EPG5: variants seen among roughly 807,000 people sequenced by gnomAD.
EPG5 encodes the protein ectopic P-granules 5 autophagy tethering factor, also known as ectopic P granules protein 5 homolog.
A neutral mutation model predicts 302.7 loss-of-function variants in EPG5; 159 were observed. The observed-to-expected ratio is 0.53, with a 90% CI of 0.46 to 0.60. The LOEUF is 0.60. Ranked by LOEUF, EPG5 falls within the 20% of genes least tolerant of loss-of-function variation. The pLI is 0.00. For missense variants in EPG5, 2,896 were observed against 3,092.4 expected (o/e 0.94, Z 1.51); for synonymous variants, 1,158 against 1,136.8 (o/e 1.02, Z -0.37).
chr18:45,851,530 A>C lies in EPG5; in HGVS notation c.*937T>G, dbSNP rs895901298. Reference sequence around the variant, plus strand: ...CATCTGAGTTTGAAGTTAAAAAACAAGCAGGGAACAGAGAATCAGGTCTTC... The same window carrying C: ...CATCTGAGTTTGAAGTTAAAAAACACGCAGGGAACAGAGAATCAGGTCTTC... On this transcript the variant is annotated 3_prime_UTR_variant, in exon 44 of 44. Coordinates refer to ENST00000282041, the MANE Select transcript of EPG5 (RefSeq NM_020964.3). The C allele has an allele frequency of 6.6e-6, 1 of 152,348 alleles. No individual in the cohort carries two copies. The highest frequency in any genetic ancestry group is 3.4e-3 in the Middle Eastern group (1 of 294). 9.4% of individuals were successfully genotyped at this position (152,348 alleles called of 1,614,324 possible). A position where few individuals can be genotyped will look rare whatever the true frequency, so the allele number is the denominator to read the frequency against.
chr18:45,953,196 G>GA, intron 2 of EPG5: 6 of 764,152 alleles, frequency 7.9e-6, no homozygotes, highest in Non-Finnish European at 9.5e-6. Flanking sequence ...AGTCAGCAGT[G>GA]AAAGCTGCAA....
rs2048421653 is a variant in EPG5, at chr18:45,851,472, C to T, written c.*995G>A. 1 of 152,176 alleles carries T rather than the reference C, an allele frequency of 6.6e-6. No homozygotes were observed. Among genetic ancestry groups the T allele is most frequent in the African/African-American group, 2.4e-5 (1 of 41,428 alleles). The allele number at this position is 152,176 out of a possible 1,614,324, so 9.4% of individuals were successfully genotyped here. ...AGATCTCCCGACCTGACCCAGTTTC[C>T]ACAGACAAGTGTTTCAGCAGGTCCA... On this transcript the variant is annotated 3_prime_UTR_variant, in exon 44 of 44. Transcript: ENST00000282041.
chr18:45,847,020 AC>A (rs2048370807), downstream of EPG5, among the ~76,000 whole-genome samples: 1 of 152,142 alleles, frequency 6.6e-6, no homozygotes, highest in South Asian at 2.1e-4. Context: ...CCACTTTCCA[AC>A]CCTTCAATCT....
chr18:45,865,621 G>C lies in EPG5; in HGVS notation c.6760C>G (p.Pro2254Ala). The change falls in exon 39 of 44, where the codon CCG becomes GCG. Residue 2254 changes from proline to alanine, a missense_variant. Pro to Ala is a conservative substitution (Grantham distance 27). Around this residue, in one of 5 missense-constraint regions of EPG5, gnomAD observed 620 missense variants for 704.2 expected, o/e 0.88. Coordinates refer to ENST00000282041, the MANE Select transcript of EPG5 (RefSeq NM_020964.3). The part of the protein sequence containing the change: ...KLLDDIIVFN[P>A]PDMDSQTRHM... The stretch of plus-strand genomic sequence containing the variant: ...CTTCCGACTGGTCACTTACCGGGCG[G>C]GTTAAAGACAATGATATCGTCTAAG... 6.2e-7 allele frequency: 1 copy of C among 1,613,862 alleles called. No homozygotes were observed. The highest frequency in any genetic ancestry group is 8.5e-7 in the Non-Finnish European group (1 of 1,179,890).
At chr18:45,802,572 CTT>C in the EPG5 span, among the ~76,000 whole-genome samples, 1 of 152,068 alleles carries the variant, frequency 6.6e-6, no homozygotes, top group Non-Finnish European at 1.5e-5. Flanking sequence ...TACATCCAAA[CTT>C]CCAACCCCAC....
At chr18:45,927,176 G>C (rs1258340635) in intron 13 of EPG5, among the ~76,000 whole-genome samples, 2 of 151,802 alleles carry the variant, frequency 1.3e-5, no homozygotes, top group Non-Finnish European at 2.9e-5. Flanking sequence ...GGGACTACAG[G>C]TGCCCGCCAC....
At chr18:45,863,000 T>G (rs2145232173) in intron 39 of EPG5, among the ~76,000 whole-genome samples, 1 of 152,376 alleles carries the variant, frequency 6.6e-6, no homozygotes, top group African/African-American at 2.4e-5. Context: ...TCTATTTAGT[T>G]ACTGATTTTT....
rs760628080 is a variant in EPG5 at position 45,939,677 on chromosome 18, G to C, written c.2022C>G (p.Pro674=). 4 of 1,614,064 alleles carry C rather than the reference G, an allele frequency of 2.5e-6. No homozygotes were observed. Among genetic ancestry groups the C allele is most frequent in the Non-Finnish European group, 2.5e-6 (3 of 1,180,004 alleles). The change falls in exon 10 of 44, where the codon CCC becomes CCG. Residue 674 remains proline (P), a synonymous_variant. Transcript: ENST00000282041. ...HNQGSGLAQQ[P]YSMEKLQVEF... ...CAACCTGTAGTTTCTCCATAGAGTA[G>C]GGCTGTTGGGCCAATCCTGAGCCTT...
chr18:45,916,459 C>CTTCACGT lies in EPG5; in HGVS notation c.3356_3362dup (p.Leu1122ArgfsTer20). 6.2e-7 allele frequency: 1 copy of CTTCACGT among 1,613,210 alleles called. No individual in the cohort carries two copies. The highest frequency in any genetic ancestry group is 8.5e-7 in the Non-Finnish European group (1 of 1,179,296). On this transcript the variant is annotated frameshift_variant, in exon 18 of 44. Transcript: ENST00000282041. LOFTEE classifies it high-confidence loss of function. ...TCACCTGGATCATGCTGTTGAGAAG[C>CTTCACGT]TTCACGTTGTCCCCATGGCTGGCTC...
At position 45,967,130 on chromosome 18, in the gene EPG5, G is replaced by A. The variant is rs200047124; in HGVS notation, c.63+47C>T. The A allele has an allele frequency of 3.0e-5, 47 of 1,545,100 alleles. No individual in the cohort carries two copies. The East Asian group carries it at 9.3e-4, about 31-fold the overall frequency. On this transcript the variant is annotated intron_variant, in intron 1 of 43. Transcript: ENST00000282041. Reference sequence around the variant, plus strand: ...GGGAGGCCGAAGAGAGGAGCAAGGAGACACAGCACACTGCCAGAGCCTCGG... The same window carrying A: ...GGGAGGCCGAAGAGAGGAGCAAGGAAACACAGCACACTGCCAGAGCCTCGG...
In EPG5 at chr18:45,946,687, C is replaced by A. The variant is rs766009435; in HGVS notation, c.1653G>T (p.Thr551=). The change falls in exon 7 of 44, where the codon ACG becomes ACT. Residue 551 remains threonine (T), a synonymous_variant. Coordinates refer to ENST00000282041, the MANE Select transcript of EPG5 (RefSeq NM_020964.3). ...CCTCTTCTCCTCCTTCGTCTACTAGCGTCCAAGTCCCAGACCCAGGCCCTG... is the reference window on the plus strand; with the variant it reads ...CCTCTTCTCCTCCTTCGTCTACTAGAGTCCAAGTCCCAGACCCAGGCCCTG... ...SSSGPGSGTW[T]LVDEGGEEDE... 6.2e-7 allele frequency: 1 copy of A among 1,614,002 alleles called. No individual in the cohort carries two copies. The highest frequency in any genetic ancestry group is 1.1e-5 in the South Asian group (1 of 91,066).
the EPG5 span, among the ~76,000 whole-genome samples, chr18:45,816,350 C>G: frequency 1.3e-3 from 201 of 152,176 alleles, no homozygotes; most frequent in Non-Finnish European, 2.2e-3. Context: ...AGTCAACCCA[C>G]AGAGAGAGAA....
At chr18:45,931,050 C>T (rs1395351831) in intron 11 of EPG5, among the ~76,000 whole-genome samples, 1 of 152,206 alleles carries the variant, frequency 6.6e-6, no homozygotes, top group Admixed American at 6.5e-5. Context: ...AAACATTTAA[C>T]ATCTCTTAGC....
At chr18:45,825,967 G>A in the EPG5 span, among the ~76,000 whole-genome samples, 1 of 152,198 alleles carries the variant, frequency 6.6e-6, no homozygotes, top group Admixed American at 6.5e-5. Flanking sequence ...CTGTGTCTTG[G>A]ATTTCAGGTG....
intron 35 of EPG5, among the ~76,000 whole-genome samples, chr18:45,871,756 G>A (rs1434202089): frequency 1.3e-5 from 2 of 152,166 alleles, no homozygotes; most frequent in African/African-American, 4.8e-5. Flanking sequence ...AGAATAGAAT[G>A]ACAGTTACCA....
Position 45,948,488 on chromosome 18 carries a change from C to T in EPG5, c.1571+15G>A. The T allele has an allele frequency of 6.2e-7, 1 of 1,606,200 alleles. No individual in the cohort carries two copies. Among genetic ancestry groups the T allele is most frequent in the Non-Finnish European group, 8.5e-7 (1 of 1,172,908 alleles). On this transcript the variant is annotated intron_variant, in intron 6 of 43. Coordinates refer to ENST00000282041, the MANE Select transcript of EPG5 (RefSeq NM_020964.3). ...GCATTTCAATCTCTACTTCACAAAG[C>T]TCTTGCACACTTACTTGACAGGAGA...
the EPG5 span, among the ~76,000 whole-genome samples, chr18:45,801,068 G>T: frequency 6.6e-6 from 1 of 152,124 alleles, no homozygotes; most frequent in South Asian, 2.1e-4. Flanking sequence ...ATGGAGTCTC[G>T]CTTTGTCACC....
chr18:45,961,083 C>G (rs1161760100), intron 1 of EPG5, among the ~76,000 whole-genome samples: 1 of 152,198 alleles, frequency 6.6e-6, no homozygotes, highest in African/African-American at 2.4e-5. Flanking sequence ...TCAGCAAACC[C>G]TCTTGGCTCT....
At chr18:45,836,749 A>C in the EPG5 span, among the ~76,000 whole-genome samples, 1 of 152,332 alleles carries the variant, frequency 6.6e-6, no homozygotes, top group South Asian at 2.1e-4. Context: ...ACTTGGGTAT[A>C]CCTGAATTCT....
Sources: allele counts gnomAD v4.1 joint callset (sites outside exome capture counted in the v4.1 genomes callset), GRCh38; gene constraint gnomAD v4.1.1; regional missense constraint gnomAD v4.1.1; transcripts MANE v1.5; gene names NCBI Gene and HGNC (gene_info 2026-07-23, HGNC 2026-07-21).